SCAMP4: variants seen among roughly 807,000 people sequenced by gnomAD.
The protein encoded by SCAMP4 is secretory carrier membrane protein 4.
In SCAMP4, 19 loss-of-function variants were observed where a neutral mutation model predicts 32.1. That is an observed-to-expected ratio of 0.59 (90% CI 0.41 to 0.87). The LOEUF is 0.87. SCAMP4 is among the 40% of genes least tolerant of loss of function. SCAMP4 has a pLI of 0.00. For synonymous variants in SCAMP4, 152 were observed against 132.7 expected (o/e 1.15, Z -1.00); for missense variants, 302 against 309.0 (o/e 0.98, Z 0.17).
At chr19:1,912,761 G>A in intron 1 of SCAMP4, 3 of 1,555,840 alleles carry the variant, frequency 1.9e-6, no homozygotes, top group African/African-American at 1.4e-5. Context: ...ACCCCCTCCT[G>A]CACGCCGTCA....
chr19:1,916,389 G>A (rs2013734904), intron 2 of SCAMP4, among the ~76,000 whole-genome samples: 1 of 152,176 alleles, frequency 6.6e-6, no homozygotes, highest in Admixed American at 6.6e-5. Context: ...GCCTGCAGAG[G>A]GAGCGCGTTC....
chr19:1,923,222 C>A, intron 6 of SCAMP4, 35 bp downstream of exon 6: 2 of 1,508,618 alleles, frequency 1.3e-6, no homozygotes, highest in Non-Finnish European at 1.8e-6. Flanking sequence ...CAGCCCTTAC[C>A]CCTTCTCCAT....
intron 5 of SCAMP4, 192 bp from the exon 6 acceptor site, chr19:1,922,878 T>C: frequency 7.5e-7 from 1 of 1,328,040 alleles, no homozygotes; most frequent in Non-Finnish European, 9.6e-7. Flanking sequence ...AGGGATAAGG[T>C]CGTATTCACG....
At chr19:1,910,002 C>T (rs181550541) in intron 1 of SCAMP4, among the ~76,000 whole-genome samples, 1 of 152,344 alleles carries the variant, frequency 6.6e-6, no homozygotes, top group Admixed American at 6.5e-5. Flanking sequence ...CGTGTCAGTG[C>T]CAGGCTGTGT....
chr19:1,915,735 A>T (rs2013710330), intron 2 of SCAMP4, among the ~76,000 whole-genome samples: 1 of 152,000 alleles, frequency 6.6e-6, no homozygotes, highest in South Asian at 2.1e-4. Context: ...TCACGAGGTC[A>T]GGAGATCGAG....
chr19:1,920,900 T>G (rs1385690029), intron 5 of SCAMP4: 1 of 985,300 alleles, frequency 1.0e-6, no homozygotes, highest in East Asian at 1.1e-4. Flanking sequence ...CCCTCGGCCC[T>G]CGTGCACGTG....
intron 1 of SCAMP4, chr19:1,913,181 C>T (rs895121093): frequency 2.0e-6 from 3 of 1,479,220 alleles, no homozygotes; most frequent in Non-Finnish European, 2.7e-6. Flanking sequence ...GGACCCTTCC[C>T]GCTCCCGGCC....
chr19:1,913,366 G>A (rs2145441221), intron 1 of SCAMP4: 2 of 692,302 alleles, frequency 2.9e-6, no homozygotes, highest in East Asian at 2.9e-5. Context: ...CCCTTCTGCG[G>A]CCGCCCTTGC....
chr19:1,917,830 C>G lies in SCAMP4; in HGVS notation c.136+8C>G. On this transcript the variant is annotated splice_region_variant and intron_variant, in intron 3 of 6. Coordinates refer to ENST00000316097, the MANE Select transcript of SCAMP4 (RefSeq NM_079834.4). ...TCTACCGGCTGTGGATGTGTGAGTG[C>G]GCCTGGGGGCAGGAGGCGGGAAGCG... 6.2e-7 allele frequency: 1 copy of G among 1,613,688 alleles called. No homozygotes were observed. Among genetic ancestry groups the G allele is most frequent in the Non-Finnish European group, 8.5e-7 (1 of 1,179,804 alleles).
intron 1 of SCAMP4, chr19:1,906,600 T>G (rs1345749140): frequency 6.9e-6 from 1 of 145,846 alleles, no homozygotes; most frequent in Admixed American, 6.8e-5. Flanking sequence ...CCTGTAATCC[T>G]AGCACTTTGG....
intron 5 of SCAMP4, chr19:1,920,457 C>T (rs531019404): frequency 5.1e-4 from 327 of 635,520 alleles, no homozygotes; most frequent in African/African-American, 3.5e-3. Context: ...CTGCGCCTGG[C>T]GCCAGGCCCT....
chr19:1,921,057 C>T (rs1179438268), intron 5 of SCAMP4: 18 of 985,258 alleles, frequency 1.8e-5, no homozygotes, highest in Non-Finnish European at 2.0e-5. Context: ...GAGAGCCCGG[C>T]CCCCCTTGTA....
intron 5 of SCAMP4, chr19:1,920,547 C>A: frequency 1.0e-6 from 1 of 956,986 alleles, no homozygotes; most frequent in Non-Finnish European, 1.2e-6. Flanking sequence ...ACCCCAAGAG[C>A]CTGAGTGACG....
At chr19:1,921,337 G>C in intron 5 of SCAMP4, 3 of 985,454 alleles carry the variant, frequency 3.0e-6, no homozygotes, top group Non-Finnish European at 3.6e-6. Flanking sequence ...GGCAGCATCT[G>C]TGGTGGCAGA....
intron 1 of SCAMP4, chr19:1,913,526 C>T (rs781095474): frequency 4.0e-6 from 1 of 253,086 alleles, no homozygotes; most frequent in Non-Finnish European, 7.6e-6. Context: ...CCTGGTGGCT[C>T]AGCCGGAGGG....
intron 1 of SCAMP4, 67 bp from the exon 2 acceptor site, chr19:1,914,912 G>A: frequency 7.5e-7 from 1 of 1,325,304 alleles, no homozygotes; most frequent in Non-Finnish European, 1.1e-6. Flanking sequence ...CAGCCACGGT[G>A]GGTGGGTGGT....
chr19:1,924,302 C>T lies in SCAMP4; in HGVS notation c.*18C>T, dbSNP rs752295255. 2.6e-6 allele frequency: 4 copies of T among 1,563,718 alleles called. No homozygotes were observed. The highest frequency in any genetic ancestry group is 1.9e-5 in the Admixed American group (1 of 53,702). ...GGCCTTAGAGGGAGCCTGCCCTGCCCCCACCGCCCACCACCTCCTCCCCTT... is the reference window on the plus strand; with the variant it reads ...GGCCTTAGAGGGAGCCTGCCCTGCCTCCACCGCCCACCACCTCCTCCCCTT... On this transcript the variant is annotated 3_prime_UTR_variant, in exon 7 of 7. Coordinates refer to ENST00000316097, the MANE Select transcript of SCAMP4 (RefSeq NM_079834.4).
intron 5 of SCAMP4, chr19:1,919,567 G>C (rs1430922694): frequency 1.6e-5 from 9 of 549,190 alleles, no homozygotes; most frequent in Non-Finnish European, 2.1e-5. Context: ...TGCAATCTCA[G>C]CTCACTGCAA....
chr19:1,923,898 G>T (rs7247418), intron 6 of SCAMP4, among the ~76,000 whole-genome samples: 9,357 of 108,508 alleles, frequency 0.086, 1,593 homozygotes, highest in African/African-American at 0.25. Flanking sequence ...GTGCTGGGAT[G>T]ACAGGCGTGA....
Sources: gnomAD v4.1 joint callset for allele counts (sites outside exome capture counted in the v4.1 genomes callset) on GRCh38, gnomAD v4.1.1 for gene constraint, MANE v1.5 for transcripts, NCBI Gene and HGNC (gene_info 2026-07-23, HGNC 2026-07-21) for gene names.